Variants in TEX13C observed in about 807,000 individuals in gnomAD.
The protein encoded by TEX13C is TEX13 family member C, also known as testis-expressed protein 13C.
For missense variants in TEX13C, 480 were observed against 298.7 expected (o/e 1.61, Z -4.47); for synonymous variants, 219 against 116.6 (o/e 1.88, Z -5.65).
chrX:125,322,861 T>C (rs1464727773), exon 1 of TEX13C: 6 of 512,958 alleles, frequency 1.2e-5, no homozygotes, highest in Admixed American at 2.7e-5. Flanking sequence ...CTCTGGAGGA[T>C]AGCAAGAGCC....
upstream of TEX13C, chrX:125,320,096 C>T (rs1254654618): frequency 2.4e-5 from 11 of 461,196 alleles, no homozygotes; most frequent in Admixed American, 3.4e-4. Flanking sequence ...CGTGAGGCAG[C>T]TGCTTGACTA....
chrX:125,320,048 C>T, upstream of TEX13C: 1 of 452,599 alleles, frequency 2.2e-6, no homozygotes, highest in East Asian at 3.7e-5. Context: ...TGGCAGCAAC[C>T]TGTACCGGAA....
At chrX:125,324,396 TTTTGTTTTTG>T (rs1229332619) in exon 1 of TEX13C, 3 of 102,970 alleles carry the variant, frequency 2.9e-5, no homozygotes, top group African/African-American at 1.3e-4. Flanking sequence ...AGGTTTTTTG[TTTTGTTTTTG>T]TTTTTTTTAA....
chrX:125,320,223 A>G (rs759631137), exon 1 of TEX13C: 38 of 515,082 alleles, frequency 7.4e-5, no homozygotes, highest in African/African-American at 5.5e-4. Flanking sequence ...CCAGCCTTTT[A>G]CACGGCCTTC....
chrX:125,320,359 G>A (rs771615609), exon 1 of TEX13C: 36 of 515,107 alleles, frequency 7.0e-5, no homozygotes, highest in African/African-American at 1.4e-4. Context: ...AAGTGGCTGC[G>A]AGGCAGCAGG....
chrX:125,322,729 C>A, exon 1 of TEX13C: 1 of 514,457 alleles, frequency 1.9e-6, no homozygotes. Context: ...AGGTGGTCTC[C>A]TTGGGGGACA....
upstream of TEX13C, among the ~76,000 whole-genome samples, chrX:125,319,910 GGCGAGGAGGACCT>G (rs762326937): frequency 1.8e-5 from 2 of 112,192 alleles, no homozygotes; most frequent in Non-Finnish European, 3.8e-5. Context: ...GGTTCGGTGT[GGCGAGGAGGACCT>G]GCTTCTCTCT....
At chrX:125,320,086 C>G, upstream of TEX13C, 1 of 460,522 alleles carries the variant, frequency 2.2e-6, no homozygotes, top group Non-Finnish European at 3.8e-6. Context: ...GGCGACGCAC[C>G]GTGAGGCAGC....
At chrX:125,320,233 C>T (rs2018821883) in exon 1 of TEX13C, 1 of 515,226 alleles carries the variant, frequency 1.9e-6, no homozygotes, top group Non-Finnish European at 3.5e-6. Flanking sequence ...ACACGGCCTT[C>T]CGCTCGCGGC....
At chrX:125,320,760 G>A in exon 1 of TEX13C, 1 of 515,461 alleles carries the variant, frequency 1.9e-6, no homozygotes, top group Non-Finnish European at 3.5e-6. Flanking sequence ...GAACCCCAGA[G>A]TGGCAGGGTC....
Position 125,322,907 on chromosome X carries a change from CA to C in TEX13C, c.2789del (p.Gln930ArgfsTer28), listed in dbSNP as rs2018862395. 1 of 515,278 alleles carries C rather than the reference CA, an allele frequency of 1.9e-6. No individual in the cohort carries two copies. Among genetic ancestry groups the C allele is most frequent in the African/African-American group, 2.3e-5 (1 of 43,893 alleles). 42.5% of individuals were successfully genotyped at this position (515,278 alleles called of 1,213,427 possible). A position where few individuals can be genotyped will look rare whatever the true frequency, so the allele number is the denominator to read the frequency against. On this transcript the variant is annotated frameshift_variant, in exon 1 of 1. Coordinates refer to ENST00000632600, the Ensembl canonical transcript of TEX13C. LOFTEE classifies it low-confidence loss of function (END_TRUNC). ...AAATAGCCCATGGAAACACCAGCCTCAGGGGCAGAAGGTCAAGGAACAAAAA... is the reference window on the plus strand; with the variant it reads ...AAATAGCCCATGGAAACACCAGCCTCGGGGCAGAAGGTCAAGGAACAAAAA...
At chrX:125,321,623 A>C (rs1212242780) in exon 1 of TEX13C, 4 of 510,945 alleles carry the variant, frequency 7.8e-6, no homozygotes, top group Non-Finnish European at 1.4e-5. Context: ...GGAAAGCCAC[A>C]GCCACAGCCT....
exon 1 of TEX13C, chrX:125,323,086 C>T (rs761605350): frequency 1.6e-5 from 8 of 508,153 alleles, no homozygotes; most frequent in East Asian, 1.5e-4. Context: ...AGAATGGCAG[C>T]GTTGACCCAG....
rs1376507406 is a variant in TEX13C at position 125,322,677 on chromosome X, G to A, written c.2558G>A (p.Ser853Asn). The A allele has an allele frequency of 7.8e-6, 4 of 512,732 alleles. No individual in the cohort carries two copies. In the Admixed American group the frequency reaches 1.1e-4, roughly 14 times the overall value. 42.3% of individuals were successfully genotyped at this position (512,732 alleles called of 1,213,427 possible). ...AAGGAGATGGTCCCCCTAGGGGACA[G>A]CAACAGTCACAGCCTGAAGAAAGAT... The change falls in exon 1 of 1, where the codon AGC becomes AAC. Residue 853 changes from serine (S) to asparagine (N), a missense_variant. Ser to Asn is a conservative substitution (Grantham distance 46). Transcript: ENST00000632600.
chrX:125,320,081 C>G, upstream of TEX13C: 1 of 456,626 alleles, frequency 2.2e-6, no homozygotes, highest in Non-Finnish European at 3.9e-6. Flanking sequence ...GCCGAGGCGA[C>G]GCACCGTGAG....
exon 1 of TEX13C, chrX:125,320,707 G>C (rs1244311680): frequency 2.5e-5 from 13 of 513,928 alleles, no homozygotes; most frequent in Non-Finnish European, 3.8e-5. Flanking sequence ...TGCCACATTC[G>C]GAAGCCCAGG....
exon 1 of TEX13C, chrX:125,320,204 G>A (rs1430257252): frequency 1.9e-5 from 10 of 515,368 alleles, no homozygotes; most frequent in East Asian, 3.6e-5. Context: ...CCTCAGGAAC[G>A]GCGGCAGCCC....
chrX:125,324,365 T>C (rs2018873287), exon 1 of TEX13C: 1 of 111,714 alleles, frequency 9.0e-6, no homozygotes, highest in South Asian at 3.8e-4. Flanking sequence ...CTGGGGCCAA[T>C]GCGAAAGAGA....
exon 1 of TEX13C, chrX:125,321,320 A>C (rs1219906391): frequency 1.9e-6 from 1 of 514,899 alleles, no homozygotes; most frequent in South Asian, 2.5e-5. Flanking sequence ...CCACAGCCTG[A>C]CGAAAAATCC....
Sources: allele counts gnomAD v4.1 joint callset (sites outside exome capture counted in the v4.1 genomes callset), GRCh38; gene constraint gnomAD v4.1.1; transcripts MANE v1.5; gene names NCBI Gene and HGNC (gene_info 2026-07-23, HGNC 2026-07-21).